The following MAP4K3 variants were observed in gnomAD, a reference collection of about 807,000 sequenced individuals.
MAP4K3 encodes MAPK/ERK kinase kinase kinase 3.
MAP4K3 carries 94 observed loss-of-function variants against 143.5 expected under a neutral mutation model. The observed-to-expected ratio is 0.65, with a 90% CI of 0.55 to 0.78. MAP4K3 has a LOEUF of 0.78. Among genes scored for constraint, MAP4K3 ranks in the 30% least tolerant of loss-of-function variants. MAP4K3 has a pLI of 0.00. For missense variants in MAP4K3, 1,077 were observed against 1,068.1 expected (o/e 1.01, Z -0.12); for synonymous variants, 416 against 347.2 (o/e 1.20, Z -2.20).
chr2:39,389,952 T>C (rs1431510537), intron 1 of MAP4K3, among the ~76,000 whole-genome samples: 5 of 152,198 alleles, frequency 3.3e-5, no homozygotes, highest in Non-Finnish European at 7.4e-5. Context: ...AATAGGAAGG[T>C]GGAAGTACAA....
At chr2:39,317,153 C>T (rs1683139302) in intron 12 of MAP4K3, among the ~76,000 whole-genome samples, 1 of 152,048 alleles carries the variant, frequency 6.6e-6, no homozygotes, top group Non-Finnish European at 1.5e-5. Context: ...CAAAAAGAAG[C>T]AATGGGGAGA....
At position 39,265,260 on chromosome 2, in the gene MAP4K3, C is replaced by T. The variant is rs189597145; in HGVS notation, c.2079G>A (p.Gln693=). Residue 693 remains glutamine (Q), a synonymous_variant, in exon 28 of 34, where the codon CAG becomes CAA. Transcript: ENST00000263881. ...CCCATTCTAATAGAACAATGCTAGT[C>T]TGAAGTGCTCCACATAGGTATTTAT... is the stretch of plus-strand genomic sequence containing the variant. ...TGHKYLCGAL[Q]TSIVLLEWVE... The T allele has an allele frequency of 5.6e-6, 9 of 1,613,482 alleles. No individual in the cohort carries two copies. The Admixed American group carries it at 1.5e-4, about 27-fold the overall frequency.
rs772419345 is a variant in MAP4K3 at position 39,331,954 on chromosome 2, T to C, written c.493A>G (p.Ile165Val). The C allele has an allele frequency of 3.3e-5, 52 of 1,574,748 alleles. No homozygotes were observed. Among genetic ancestry groups the C allele is most frequent in the East Asian group, 9.0e-5 (4 of 44,638 alleles). ...FGVSAQITAT[I>V]AKRKSFIGTP... The stretch of plus-strand genomic sequence containing the variant: ...CCAATGAAAGACTTCCGTTTGGCAA[T>C]TGTAGCTGTTATCTGTGCAGATACT... The change falls in exon 8 of 34, where the codon ATT becomes GTT. Residue 165 changes from isoleucine (I) to valine (V), a missense_variant. This residue lies in a region of MAP4K3 where 213 missense variants were observed against 266.8 expected (regional missense o/e 0.80). Transcript: ENST00000263881.
At position 39,286,858 on chromosome 2, in the gene MAP4K3, A is replaced by C. The variant is rs760236190; in HGVS notation, c.1581T>G (p.Asp527Glu). Residue 527 changes from aspartate (D) to glutamate (E), a missense_variant, in exon 21 of 34, where the codon GAT becomes GAG. Physicochemically the swap from Asp to Glu is conservative, Grantham distance 45. Around this residue, in one of 2 missense-constraint regions of MAP4K3, gnomAD observed 864 missense variants for 801.2 expected, o/e 1.08. Coordinates refer to ENST00000263881, the MANE Select transcript of MAP4K3 (RefSeq NM_003618.4). ...GTNLSRKEKKDVPKPISNGLP... is the reference protein window; with the variant it reads ...GTNLSRKEKKEVPKPISNGLP... ...TATGACTATCAATACCTACTGGTAC[A>C]TCTTTCTTTTCTTTTCTTGAAAGGT... The C allele has an allele frequency of 2.5e-5, 40 of 1,597,364 alleles. No homozygotes were observed. The highest frequency in any genetic ancestry group is 3.2e-5 in the Non-Finnish European group (37 of 1,172,672).
intron 29 of MAP4K3, among the ~76,000 whole-genome samples, chr2:39,259,933 C>T (rs3821132): frequency 0.69 from 104,027 of 151,640 alleles, 39,550 homozygotes; most frequent in Non-Finnish European, 0.84. Context: ...CAAATAACAA[C>T]CCAGGTGTAT....
chr2:39,414,093 T>A (rs973098691), intron 1 of MAP4K3, among the ~76,000 whole-genome samples: 1 of 152,172 alleles, frequency 6.6e-6, no homozygotes, highest in African/African-American at 2.4e-5. Context: ...CTTGATTTTG[T>A]TCCTCTCTGT....
intron 22 of MAP4K3, among the ~76,000 whole-genome samples, 195 bp downstream of exon 22, chr2:39,282,318 T>C (rs1307417629): frequency 3.9e-5 from 6 of 152,110 alleles, no homozygotes; most frequent in Non-Finnish European, 7.4e-5. Flanking sequence ...GCCAACATGG[T>C]GAAACTCTGT....
intron 19 of MAP4K3, among the ~76,000 whole-genome samples, chr2:39,289,560 T>C (rs543499291): frequency 1.3e-5 from 2 of 152,330 alleles, no homozygotes; most frequent in East Asian, 1.9e-4. Context: ...TTAAAAAGCA[T>C]TTAAAAATTG....
chr2:39,420,292 A>C (rs1461259703), intron 1 of MAP4K3, among the ~76,000 whole-genome samples: 1 of 152,278 alleles, frequency 6.6e-6, no homozygotes, highest in Non-Finnish European at 1.5e-5. Flanking sequence ...AAAACTAAAG[A>C]CCATAACTTC....
chr2:39,333,398 G>A, intron 7 of MAP4K3, 134 bp downstream of exon 7: 1 of 654,194 alleles, frequency 1.5e-6, no homozygotes, highest in African/African-American at 1.8e-5. Flanking sequence ...TGACAGCATG[G>A]CAACGAGATT....
In MAP4K3 at chr2:39,272,356, C is replaced by G; in HGVS notation, c.1900G>C (p.Asp634His). Residue 634 changes from aspartate to histidine, a missense_variant, in exon 26 of 34, where the codon GAT becomes CAT. Physicochemically the swap from Asp to His is moderately conservative, Grantham distance 81. Around this residue, in one of 2 missense-constraint regions of MAP4K3, gnomAD observed 864 missense variants for 801.2 expected, o/e 1.08. Coordinates refer to ENST00000263881, the MANE Select transcript of MAP4K3 (RefSeq NM_003618.4). Reference protein sequence around the residue: ...LYSHNLPGLFDYARQMQKLPV... With the variant: ...LYSHNLPGLFHYARQMQKLPV... ...AACTTTTGCATTTGTCTTGCATAAT[C>G]AAAAAGCCCTGGTAAATTATGGGAA... The G allele has an allele frequency of 6.2e-7, 1 of 1,613,586 alleles. No individual in the cohort carries two copies. The highest frequency in any genetic ancestry group is 8.5e-7 in the Non-Finnish European group (1 of 1,179,784).
chr2:39,365,387 G>A (rs574189878), intron 2 of MAP4K3, among the ~76,000 whole-genome samples: 3 of 151,746 alleles, frequency 2.0e-5, no homozygotes, highest in South Asian at 2.1e-4. Flanking sequence ...TCCATCAGTC[G>A]GTTGGGGGGC....
At chr2:39,320,067 C>T (rs2148509802) in intron 12 of MAP4K3, among the ~76,000 whole-genome samples, 1 of 152,222 alleles carries the variant, frequency 6.6e-6, no homozygotes, top group South Asian at 2.1e-4. Context: ...CTCTGACTTC[C>T]CTAACAAAAG....
At chr2:39,413,963 A>G (rs1444223890) in intron 1 of MAP4K3, among the ~76,000 whole-genome samples, 1 of 152,152 alleles carries the variant, frequency 6.6e-6, no homozygotes, top group African/African-American at 2.4e-5. Flanking sequence ...GAGCATACAC[A>G]CTTACTCGCT....
At chr2:39,332,533 C>T (rs988922704) in intron 7 of MAP4K3, among the ~76,000 whole-genome samples, 5 of 151,950 alleles carry the variant, frequency 3.3e-5, no homozygotes, top group African/African-American at 1.2e-4. Flanking sequence ...TGATTTGTTA[C>T]TATTCTTTTA....
intron 16 of MAP4K3, among the ~76,000 whole-genome samples, chr2:39,295,559 G>A (rs987835414): frequency 3.3e-5 from 5 of 151,938 alleles, no homozygotes; most frequent in Admixed American, 2.0e-4. Context: ...TGGCTTTTAT[G>A]TAATTTTAGA....
At chr2:39,302,436 C>T (rs182439882) in intron 15 of MAP4K3, among the ~76,000 whole-genome samples, 3 of 152,174 alleles carry the variant, frequency 2.0e-5, no homozygotes, top group Admixed American at 1.3e-4. Context: ...GGAATTCATA[C>T]AGAAAATCGG....
chr2:39,426,238 GAT>G (rs1665074811), intron 1 of MAP4K3, among the ~76,000 whole-genome samples: 1 of 152,046 alleles, frequency 6.6e-6, no homozygotes, highest in African/African-American at 2.4e-5. Flanking sequence ...CAAAATAAAT[GAT>G]GCGTACTACT....
At chr2:39,328,542 G>C (rs1301851738) in intron 8 of MAP4K3, among the ~76,000 whole-genome samples, 1 of 147,842 alleles carries the variant, frequency 6.8e-6, no homozygotes, top group Non-Finnish European at 1.5e-5. Context: ...AATCAGATCA[G>C]GGGTTACCAG....
Sources: gnomAD v4.1 joint callset for allele counts (sites outside exome capture counted in the v4.1 genomes callset) on GRCh38, gnomAD v4.1.1 for gene constraint, gnomAD v4.1.1 regional missense constraint, MANE v1.5 for transcripts, NCBI Gene and HGNC (gene_info 2026-07-23, HGNC 2026-07-21) for gene names.